CNBD1: variants seen among roughly 807,000 people sequenced by gnomAD.
CNBD1 encodes the protein cyclic nucleotide-binding domain-containing protein 1.
A neutral mutation model predicts 54.4 loss-of-function variants in CNBD1; 71 were observed. The ratio of observed to expected loss-of-function variants is 1.30; its 90% CI spans 1.08 to 1.59. The LOEUF is 1.59. Among genes scored for constraint, CNBD1 ranks in the 40% most tolerant of loss-of-function variants. The pLI is 0.00. For synonymous variants in CNBD1, 182 were observed against 170.7 expected, an observed-to-expected ratio of 1.07 and a Z score of -0.51; for missense variants, 659 against 518.0, an observed-to-expected ratio of 1.27 and a Z score of -2.64.
chr8:86,952,664 T>C (rs959227994), intron 4 of CNBD1, among the ~76,000 whole-genome samples: 3 of 152,000 alleles, frequency 2.0e-5, no homozygotes, highest in Non-Finnish European at 2.9e-5. Context: ...ATAATAAAAA[T>C]GTATATTTTA....
At chr8:87,075,045 GTAC>G (rs1261767102) in intron 4 of CNBD1, among the ~76,000 whole-genome samples, 1 of 152,162 alleles carries the variant, frequency 6.6e-6, no homozygotes, top group African/African-American at 2.4e-5. Flanking sequence ...GGGGTTAGTA[GTAC>G]TACTTATCTC....
chr8:86,971,334 A>G (rs1808214599), intron 4 of CNBD1, among the ~76,000 whole-genome samples: 1 of 152,182 alleles, frequency 6.6e-6, no homozygotes, highest in Non-Finnish European at 1.5e-5. Context: ...TGAGAAGAGC[A>G]TGGGGAAACC....
At chr8:87,039,046 C>T (rs1342817993) in intron 4 of CNBD1, among the ~76,000 whole-genome samples, 1 of 152,126 alleles carries the variant, frequency 6.6e-6, no homozygotes, top group Non-Finnish European at 1.5e-5. Context: ...TATTATTATC[C>T]ATCATCTTTT....
chr8:87,286,116 C>T (rs1007875371), intron 7 of CNBD1, among the ~76,000 whole-genome samples: 15 of 152,084 alleles, frequency 9.9e-5, no homozygotes, highest in Non-Finnish European at 1.9e-4. Flanking sequence ...CAGAATTCAA[C>T]GTTATTCCAA....
At chr8:86,941,419 T>C (rs954529048) in intron 4 of CNBD1, among the ~76,000 whole-genome samples, 4 of 152,202 alleles carry the variant, frequency 2.6e-5, no homozygotes, top group Non-Finnish European at 4.4e-5. Context: ...TTGATTAATA[T>C]TGCATCAGAT....
chr8:86,999,241 A>G (rs895472959), intron 4 of CNBD1, among the ~76,000 whole-genome samples: 1 of 152,146 alleles, frequency 6.6e-6, no homozygotes, highest in African/African-American at 2.4e-5. Context: ...GTCCAGAAGG[A>G]GAGTGGATTA....
At position 87,308,881 on chromosome 8, in the gene CNBD1, G is replaced by A. The variant is rs943463044; in HGVS notation, c.1042+22210G>A. ...CCTGTCTTATTTCATTTAATATACCGACCTCTAATTTTATCCATGTTGCTG... is the reference window on the plus strand; with the variant it reads ...CCTGTCTTATTTCATTTAATATACCAACCTCTAATTTTATCCATGTTGCTG... On this transcript the variant is annotated intron_variant, in intron 8 of 10. Transcript: ENST00000518476. 2.6e-5 allele frequency among the ~76,000 whole-genome samples: 4 copies of A among 152,012 alleles called. No individual in the cohort carries two copies. In the South Asian group the frequency reaches 6.2e-4, roughly 24 times the overall value.
At chr8:87,414,273 C>CA (rs543184142) in intron 2 of CNBD1, among the ~76,000 whole-genome samples, 1,812 of 151,946 alleles carry the variant, frequency 0.012, 37 homozygotes, top group African/African-American at 0.039. Context: ...ATCGCAAGGA[C>CA]AAAAAACCAA....
intron 6 of CNBD1, among the ~76,000 whole-genome samples, chr8:87,266,344 T>C (rs1586376551): frequency 7.3e-6 from 1 of 136,084 alleles, no homozygotes; most frequent in Non-Finnish European, 1.5e-5. Flanking sequence ...AATAAAGCTA[T>C]AATAATTAAT....
chr8:87,134,167 A>G (rs1812177898), intron 4 of CNBD1, among the ~76,000 whole-genome samples: 1 of 152,222 alleles, frequency 6.6e-6, no homozygotes, highest in African/African-American at 2.4e-5. Flanking sequence ...TAATTTGTTT[A>G]AAATGTAAAT....
At chr8:87,390,733 A>G (rs1478673658) in intron 2 of CNBD1, among the ~76,000 whole-genome samples, 2 of 152,184 alleles carry the variant, frequency 1.3e-5, no homozygotes, top group Non-Finnish European at 2.9e-5. Context: ...CAGCCATCCC[A>G]TTACTGGGTA....
At chr8:87,255,904 A>C (rs1807997760) in intron 6 of CNBD1, among the ~76,000 whole-genome samples, 1 of 145,206 alleles carries the variant, frequency 6.9e-6, no homozygotes, top group Non-Finnish European at 1.5e-5. Flanking sequence ...AAATAAAATA[A>C]GACAAAAAAG....
At chr8:87,425,691 T>C (rs900599984) in intron 2 of CNBD1, among the ~76,000 whole-genome samples, 3 of 152,070 alleles carry the variant, frequency 2.0e-5, no homozygotes, top group Non-Finnish European at 2.9e-5. Context: ...GATCTCCAGC[T>C]GCGTGCTGGG....
intron 4 of CNBD1, among the ~76,000 whole-genome samples, chr8:87,170,082 T>C (rs1226153432): frequency 2.0e-5 from 3 of 152,152 alleles, no homozygotes; most frequent in African/African-American, 7.2e-5. Flanking sequence ...CTTAAATTTC[T>C]TTTATCAATG....
chr8:87,145,098 A>G (rs746892333), intron 4 of CNBD1, among the ~76,000 whole-genome samples: 2 of 152,194 alleles, frequency 1.3e-5, no homozygotes, highest in Non-Finnish European at 2.9e-5. Flanking sequence ...AAAAATTTAT[A>G]GCATATGCTA....
chr8:87,063,399 T>C (rs1810584451), intron 4 of CNBD1, among the ~76,000 whole-genome samples: 1 of 152,302 alleles, frequency 6.6e-6, no homozygotes, highest in South Asian at 2.1e-4. Context: ...AATTTTTCAA[T>C]GCTCTGAAGT....
intron 3 of CNBD1, among the ~76,000 whole-genome samples, chr8:86,911,258 T>C (rs941692966): frequency 1.3e-5 from 2 of 152,188 alleles, no homozygotes; most frequent in Non-Finnish European, 2.9e-5. Flanking sequence ...TGCTCTTTGT[T>C]AGAAAAGAAA....
intron 4 of CNBD1, among the ~76,000 whole-genome samples, chr8:87,190,887 G>GATATAGATACATGTACC (rs1563501596): frequency 2.4e-5 from 3 of 124,970 alleles, no homozygotes; most frequent in African/African-American, 9.8e-5. Flanking sequence ...ATACATGTAC[G>GATATAGATACATGTACC]TATATCTATT....
intron 4 of CNBD1, among the ~76,000 whole-genome samples, chr8:87,071,574 A>G (rs538204011): frequency 6.6e-6 from 1 of 152,078 alleles, no homozygotes; most frequent in East Asian, 1.9e-4. Flanking sequence ...ACCATTAAAA[A>G]CTCATGTAAC....
Sources: allele counts gnomAD v4.1 joint callset (sites outside exome capture counted in the v4.1 genomes callset), GRCh38; gene constraint gnomAD v4.1.1; transcripts MANE v1.5; gene names NCBI Gene and HGNC (gene_info 2026-07-23, HGNC 2026-07-21).